The following SMCO2 variants were observed in gnomAD, a reference collection of about 807,000 sequenced individuals.
The protein encoded by SMCO2 is single-pass membrane and coiled-coil domain-containing protein 2.
A neutral mutation model predicts 29.5 loss-of-function variants in SMCO2; 25 were observed. The ratio of observed to expected loss-of-function variants is 0.85; its 90% confidence interval spans 0.62 to 1.18. SMCO2 has a LOEUF of 1.18. SMCO2 is among the 50% of genes most tolerant of loss of function. The pLI, the probability that SMCO2 is intolerant of heterozygous loss-of-function variation, is 0.00. For missense variants in SMCO2, 348 were observed against 344.5 expected (o/e 1.01, Z -0.08); for synonymous variants, 117 against 123.3 (o/e 0.95, Z 0.34).
the SMCO2 span, among the ~76,000 whole-genome samples, chr12:27,439,950 G>A: frequency 6.6e-6 from 1 of 152,126 alleles, no homozygotes; most frequent in Non-Finnish European, 1.5e-5. Context: ...ATGATAAAAA[G>A]CTTCCCTAAA....
At chr12:27,456,841 G>C in the SMCO2 span, among the ~76,000 whole-genome samples, 4 of 152,112 alleles carry the variant, frequency 2.6e-5, no homozygotes, top group African/African-American at 9.7e-5. Context: ...GACCTGGGCC[G>C]CACAGCAGGA....
At chr12:27,469,953 G>C (rs1949527812) in intron 1 of SMCO2, among the ~76,000 whole-genome samples, 1 of 152,132 alleles carries the variant, frequency 6.6e-6, no homozygotes, top group East Asian at 1.9e-4. Flanking sequence ...GGAAATATTT[G>C]TCTAAATCCT....
At chr12:27,430,276 T>C in the SMCO2 span, among the ~76,000 whole-genome samples, 5 of 152,198 alleles carry the variant, frequency 3.3e-5, no homozygotes. Flanking sequence ...ATAAACACAG[T>C]AGAGTTTGAT....
chr12:27,444,106 T>C, the SMCO2 span, among the ~76,000 whole-genome samples: 1 of 152,166 alleles, frequency 6.6e-6, no homozygotes, highest in African/African-American at 2.4e-5. Flanking sequence ...AGCAGCATGA[T>C]TTTATGCCAG....
intron 4 of SMCO2, among the ~76,000 whole-genome samples, chr12:27,476,278 C>T (rs566502535): frequency 1.3e-5 from 2 of 152,290 alleles, no homozygotes; most frequent in African/African-American, 4.8e-5. Context: ...TGTGGCCTAA[C>T]ATATGGTCTA....
intron 1 of SMCO2, among the ~76,000 whole-genome samples, chr12:27,469,912 T>C (rs1450529205): frequency 6.6e-6 from 1 of 152,240 alleles, no homozygotes; most frequent in East Asian, 1.9e-4. Context: ...GATGCCAGTG[T>C]ATATTAGTTA....
intron 5 of SMCO2, among the ~76,000 whole-genome samples, chr12:27,492,812 C>G (rs1273287328): frequency 2.0e-5 from 3 of 152,090 alleles, no homozygotes; most frequent in Non-Finnish European, 2.9e-5. Context: ...TACCAGTCGA[C>G]CCAGCAATCC....
chr12:27,488,003 G>C (rs890646805), intron 4 of SMCO2, among the ~76,000 whole-genome samples: 6 of 151,650 alleles, frequency 4.0e-5, no homozygotes, highest in African/African-American at 1.5e-4. Flanking sequence ...CCATATATGT[G>C]CTAAGCAAAT....
intron 4 of SMCO2, 84 bp from the exon 5 acceptor site, chr12:27,475,498 G>A (rs1177448563): frequency 7.1e-6 from 10 of 1,404,246 alleles, no homozygotes; most frequent in Admixed American, 3.0e-5. Flanking sequence ...AGATCAACTC[G>A]CTATTCAAAG....
At chr12:27,488,490 T>C (rs1436813120) in exon 5 of SMCO2, 1 of 1,537,926 alleles carries the variant, frequency 6.5e-7, no homozygotes, top group African/African-American at 1.4e-5. Flanking sequence ...CCCTGAAGGG[T>C]CAAATTGAAA....
intron 1 of SMCO2, among the ~76,000 whole-genome samples, chr12:27,467,671 T>A (rs1011176552): frequency 6.6e-6 from 1 of 152,132 alleles, no homozygotes; most frequent in Non-Finnish European, 1.5e-5. Flanking sequence ...TAATTTTATG[T>A]GTAATAGTAG....
chr12:27,453,098 A>G, the SMCO2 span, among the ~76,000 whole-genome samples: 1 of 152,142 alleles, frequency 6.6e-6, no homozygotes, highest in Non-Finnish European at 1.5e-5. Flanking sequence ...ACATCTGTAG[A>G]TTGGCCCCCA....
At chr12:27,468,777 A>G (rs1949518318) in intron 1 of SMCO2, among the ~76,000 whole-genome samples, 1 of 152,068 alleles carries the variant, frequency 6.6e-6, no homozygotes, top group African/African-American at 2.4e-5. Flanking sequence ...CTTATATCTG[A>G]CTCTAAGTAA....
Position 27,475,576 on chromosome 12 carries a change from C to T in SMCO2, c.362+663C>T. ...TTTGAAAATGATCACCATAATATTT[C>T]CGCAGGTGTCTGAAGGGCATGTTCC... On this transcript the variant is annotated intron_variant, in intron 4 of 7. Transcript: ENST00000298876. The T allele has an allele frequency of 6.6e-7, 1 of 1,520,456 alleles. No individual in the cohort carries two copies. Among genetic ancestry groups the T allele is most frequent in the South Asian group, 1.3e-5 (1 of 78,148 alleles). 94.2% of individuals were successfully genotyped at this position (1,520,456 alleles called of 1,614,324 possible).
the SMCO2 span, among the ~76,000 whole-genome samples, chr12:27,451,180 T>C: frequency 6.6e-6 from 1 of 152,232 alleles, no homozygotes; most frequent in Admixed American, 6.5e-5. Context: ...GGTAGTTCTG[T>C]TCTGTAGAGT....
rs766544796 is a variant in SMCO2 at position 27,470,814 on chromosome 12, AGACG to A, written c.134+50_134+53del. On this transcript the variant is annotated intron_variant, in intron 2 of 7. Transcript: ENST00000298876. ...AAGCAGTTTCTAGGGTCCCAACTGC[AGACG>A]TTCTTGGGCCAGCGGTATGCAAACG... 2.3e-5 allele frequency: 35 copies of A among 1,539,228 alleles called. No homozygotes were observed. The African/African-American group carries it at 4.1e-4, about 18-fold the overall frequency.
intron 4 of SMCO2, among the ~76,000 whole-genome samples, chr12:27,478,003 T>A (rs1949605042): frequency 6.6e-6 from 1 of 152,190 alleles, no homozygotes; most frequent in Non-Finnish European, 1.5e-5. Flanking sequence ...TACATTGATA[T>A]CTATACATCT....
At chr12:27,473,511 A>G (rs943636830) in intron 3 of SMCO2, among the ~76,000 whole-genome samples, 2 of 152,294 alleles carry the variant, frequency 1.3e-5, no homozygotes, top group African/African-American at 2.4e-5. Flanking sequence ...TTTCCAAATA[A>G]GATAATATGC....
At chr12:27,436,834 G>A in the SMCO2 span, among the ~76,000 whole-genome samples, 1,698 of 152,272 alleles carry the variant, frequency 0.011, 16 homozygotes, top group Middle Eastern at 0.024. Flanking sequence ...TGACAGTAAG[G>A]CTACATATAT....
Sources: allele counts gnomAD v4.1 joint callset (sites outside exome capture counted in the v4.1 genomes callset), GRCh38; gene constraint gnomAD v4.1.1; transcripts MANE v1.5; gene names NCBI Gene and HGNC (gene_info 2026-07-23, HGNC 2026-07-21).